The following MYH11 variants were observed in gnomAD, a reference collection of about 807,000 sequenced individuals.
MYH11 encodes the protein myosin heavy chain 11.
A neutral mutation model predicts 246.6 loss-of-function variants in MYH11; 80 were observed. The observed-to-expected ratio is 0.32, with a 90% confidence interval of 0.27 to 0.39. The LOEUF (loss-of-function observed/expected upper bound fraction) is 0.39. MYH11 is among the 10% of genes least tolerant of loss of function. The pLI is 1.00. For missense variants in MYH11, 2,158 were observed against 2,546.8 expected (o/e 0.85, Z 3.29); for synonymous variants, 1,071 against 1,015.5 (o/e 1.05, Z -1.04).
chr16:15,752,332 G>A (rs1275189340), intron 15 of MYH11, among the ~76,000 whole-genome samples: 1 of 151,958 alleles, frequency 6.6e-6, no homozygotes, highest in East Asian at 1.9e-4. Flanking sequence ...CAGGCCCATG[G>A]GCCCTGTGCC....
At chr16:15,719,559 G>C (rs1194942173) in intron 35 of MYH11, 26 bp downstream of exon 35, 1 of 1,613,376 alleles carries the variant, frequency 6.2e-7, no homozygotes, top group African/African-American at 1.3e-5. Flanking sequence ...CGCATCTGAG[G>C]CTCTCCTAGC....
intron 26 of MYH11, 132 bp downstream of exon 26, chr16:15,735,234 A>T: frequency 1.0e-6 from 1 of 1,005,012 alleles, no homozygotes; most frequent in Non-Finnish European, 1.5e-6. Context: ...TCTATAAGTT[A>T]AAGCAAACCG....
intron 1 of MYH11, among the ~76,000 whole-genome samples, chr16:15,848,648 A>G (rs1567219028): frequency 1.3e-5 from 2 of 152,126 alleles, no homozygotes; most frequent in African/African-American, 2.4e-5. Flanking sequence ...TGATGCCAGT[A>G]GCACCCCTTC....
chr16:15,720,241 C>CT lies in MYH11; in HGVS notation c.4862dup (p.Leu1622AlafsTer49). The CT allele has an allele frequency of 6.2e-7, 1 of 1,614,006 alleles. No homozygotes were observed. The highest frequency in any genetic ancestry group is 8.5e-7 in the Non-Finnish European group (1 of 1,179,916). ...CCAGGTCTTTCAGGTCCCCTTCCAG[C>CT]TTCTTCTTTGCTGCAGCTGCCAGGG... is the stretch of plus-strand genomic sequence containing the variant. On this transcript the variant is annotated frameshift_variant, in exon 34 of 41. Transcript: ENST00000300036. LOFTEE classifies it high-confidence loss of function.
chr16:15,717,264 TCTGCCGCTCGAG>T lies in MYH11; in HGVS notation c.5368_5379del (p.Leu1790_Gln1793del). 2 of 1,614,096 alleles carry T rather than the reference TCTGCCGCTCGAG, an allele frequency of 1.2e-6. No homozygotes were observed. The highest frequency in any genetic ancestry group is 1.7e-6 in the Non-Finnish European group (2 of 1,180,032). ...TGGAGCTTGCTCCGGAGCTCCTTGT[TCTGCCGCTCGAG>T]CTGCTGCCGGGCACTCTCATTCTTC... On this transcript the variant is annotated inframe_deletion, in exon 38 of 41. Transcript: ENST00000300036.
chr16:15,717,977 C>T (rs2040254723), intron 37 of MYH11: 1 of 410,294 alleles, frequency 2.4e-6, no homozygotes, highest in Non-Finnish European at 4.6e-6. Flanking sequence ...GTGACATCAC[C>T]AAGGGCTCAC....
chr16:15,714,693 T>G (rs913969928), intron 40 of MYH11: 2 of 636,048 alleles, frequency 3.1e-6, no homozygotes, highest in African/African-American at 3.6e-5. Context: ...TTAAAGGATC[T>G]AGAAGGTTAG....
Position 15,837,952 on chromosome 16 carries a change from C to G in MYH11, c.301G>C (p.Val101Leu). 6.2e-7 allele frequency: 1 copy of G among 1,614,142 alleles called. No homozygotes were observed. Among genetic ancestry groups the G allele is most frequent in the Non-Finnish European group, 8.5e-7 (1 of 1,180,022 alleles). ...TACCGCTCCCTCAGGTTGTGTAGCA[C>G]GGAGGCTTCGTTGAGGCACGTCAGC... Reference protein sequence around the residue: ...AELTCLNEASVLHNLRERYFS... With the variant: ...AELTCLNEASLLHNLRERYFS... Residue 101 changes from valine (V) to leucine (L), a missense_variant, in exon 2 of 41, where the codon GTG (valine) becomes CTG (leucine). Physicochemically the swap from Val to Leu is conservative, Grantham distance 32 (BLOSUM62 1). This residue lies in a region of MYH11 where 36 missense variants were observed against 73.9 expected (regional missense o/e 0.49). Transcript: ENST00000300036.
At chr16:15,768,206 TAAGA>T (rs2042026150) in intron 9 of MYH11, among the ~76,000 whole-genome samples, 1 of 152,182 alleles carries the variant, frequency 6.6e-6, no homozygotes, top group Admixed American at 6.6e-5. Context: ...TGCTGAGGAA[TAAGA>T]AACAGGACTT....
At chr16:15,844,946 T>G (rs2151388714) in intron 1 of MYH11, among the ~76,000 whole-genome samples, 1 of 152,278 alleles carries the variant, frequency 6.6e-6, no homozygotes, top group East Asian at 1.9e-4. Context: ...AAGTACAAGT[T>G]CATTGGTGCT....
At position 15,732,674 on chromosome 16, in the gene MYH11, T is replaced by C. The variant is rs764704892; in HGVS notation, c.3541A>G (p.Lys1181Glu). The C allele has an allele frequency of 9.9e-6, 16 of 1,614,132 alleles. No individual in the cohort carries two copies. The Admixed American group carries it at 2.0e-4, about 20-fold the overall frequency. Residue 1181 changes from lysine to glutamate, a missense_variant, in exon 27 of 41, where the codon AAG (lysine) becomes GAG (glutamate). This residue lies in a region of MYH11 where 34 missense variants were observed against 70.4 expected (regional missense o/e 0.48). Coordinates refer to ENST00000300036, the MANE Select transcript of MYH11 (RefSeq NM_002474.3). ...GACCGCGTCTCTTCATCCAGGGCCT[T>C]CTTCAGCACCGTCACCTCCTGCTCC... ...KREQEVTVLK[K>E]ALDEETRSHE...
At chr16:15,818,816 G>A (rs1018763677) in intron 3 of MYH11, among the ~76,000 whole-genome samples, 1 of 152,208 alleles carries the variant, frequency 6.6e-6, no homozygotes, top group African/African-American at 2.4e-5. Context: ...CATAGCAGGT[G>A]TTGGTTAACA....
chr16:15,818,682 C>A (rs1217040132), intron 3 of MYH11, among the ~76,000 whole-genome samples: 2 of 152,116 alleles, frequency 1.3e-5, no homozygotes, highest in African/African-American at 2.4e-5. Context: ...ATGATCCCCC[C>A]ACCTTGGCCT....
At chr16:15,846,950 A>G (rs968583925) in intron 1 of MYH11, among the ~76,000 whole-genome samples, 2 of 152,058 alleles carry the variant, frequency 1.3e-5, no homozygotes, top group Admixed American at 6.6e-5. Flanking sequence ...TGAGACCCCC[A>G]TCTATAAAAA....
At chr16:15,753,319 G>A (rs991432736) in intron 15 of MYH11, 75 bp downstream of exon 15, 3 of 1,321,426 alleles carry the variant, frequency 2.3e-6, no homozygotes, top group African/African-American at 1.4e-5. Context: ...TGGGGCAGGT[G>A]TGAGAGTCGG....
chr16:15,705,849 C>T lies in MYH11; in HGVS notation c.5787-1726G>A, dbSNP rs559805287. Among the ~76,000 whole-genome samples, 58 of 151,790 alleles carry T rather than the reference C, an allele frequency of 3.8e-4. 1 individual carries two copies. The South Asian group carries it at 0.011, about 28-fold the overall frequency. On this transcript the variant is annotated intron_variant, in intron 40 of 40. Coordinates refer to ENST00000300036, the MANE Select transcript of MYH11 (RefSeq NM_002474.3). ...ACAAAAAATTAGCCGGGCGTGCTGGCGGGTGCCTGTAGTCCCAGCTACTCG... is the reference window on the plus strand; with the variant it reads ...ACAAAAAATTAGCCGGGCGTGCTGGTGGGTGCCTGTAGTCCCAGCTACTCG...
rs543239608 is a variant in MYH11, at chr16:15,817,875, C to T, written c.502+5380G>A. Among the ~76,000 whole-genome samples, 81 of 152,300 alleles carry T rather than the reference C, an allele frequency of 5.3e-4. 1 individual carries two copies. Among genetic ancestry groups the T allele is most frequent in the African/African-American group, 1.9e-3 (80 of 41,562 alleles). Reference sequence around the variant, plus strand: ...TCTCTCACCTTAGCAAACCATTCTTCGAGGCTTATAAAGCCCCACCTCTCT... The same window carrying T: ...TCTCTCACCTTAGCAAACCATTCTTTGAGGCTTATAAAGCCCCACCTCTCT... On this transcript the variant is annotated intron_variant, in intron 3 of 40. Transcript: ENST00000300036.
chr16:15,729,978 G>A (rs1187485286), intron 27 of MYH11, among the ~76,000 whole-genome samples: 1 of 152,080 alleles, frequency 6.6e-6, no homozygotes, highest in African/African-American at 2.4e-5. Context: ...GAGCCACCGC[G>A]CCCGGCCTTT....
chr16:15,741,031 G>C (rs1171138567), intron 22 of MYH11: 1 of 318,500 alleles, frequency 3.1e-6, no homozygotes, highest in Non-Finnish European at 6.1e-6. Flanking sequence ...TCCAGCCCCA[G>C]ATGAGCCTTC....
Sources: gnomAD v4.1 joint callset for allele counts (sites outside exome capture counted in the v4.1 genomes callset) on GRCh38, gnomAD v4.1.1 for gene constraint, gnomAD v4.1.1 regional missense constraint, MANE v1.5 for transcripts, NCBI Gene and HGNC (gene_info 2026-07-23, HGNC 2026-07-21) for gene names.